VPS13D: variants seen among roughly 807,000 people sequenced by gnomAD.
VPS13D encodes intermembrane lipid transfer protein VPS13D.
A neutral mutation model predicts 461.9 loss-of-function variants in VPS13D; 187 were observed. The observed-to-expected ratio is 0.40, with a 90% CI of 0.36 to 0.46. The LOEUF (loss-of-function observed/expected upper bound fraction) is 0.46. Ranked by LOEUF, VPS13D falls within the 20% of genes least tolerant of loss-of-function variation. The probability of loss-of-function intolerance (pLI) is 0.60; values close to 1 mark genes in which losing one functional copy is unlikely to be tolerated. For synonymous variants in VPS13D, 1,951 were observed against 1,986.3 expected, an observed-to-expected ratio of 0.98 and a Z score of 0.47; for missense variants, 4,711 against 5,364.9, an observed-to-expected ratio of 0.88 and a Z score of 3.81.
intron 65 of VPS13D, among the ~76,000 whole-genome samples, chr1:12,432,191 C>T (rs1177560847): frequency 4.6e-5 from 7 of 151,934 alleles, no homozygotes; most frequent in East Asian, 3.9e-4. Flanking sequence ...GTCGGGAGTT[C>T]GAGATTAGCC....
chr1:12,372,693 G>A (rs1332645359), intron 54 of VPS13D, among the ~76,000 whole-genome samples: 1 of 151,108 alleles, frequency 6.6e-6, no homozygotes, highest in Non-Finnish European at 1.5e-5. Context: ...AAGCACAGAA[G>A]TTTCTCATTT....
At chr1:12,399,468 T>G (rs370771876) in intron 60 of VPS13D, among the ~76,000 whole-genome samples, 1 of 152,258 alleles carries the variant, frequency 6.6e-6, no homozygotes, top group African/African-American at 2.4e-5. Flanking sequence ...GTGCTGGGAT[T>G]ACAGGTGTGA....
chr1:12,249,580 C>A, intron 6 of VPS13D: 1 of 334,056 alleles, frequency 3.0e-6, no homozygotes. Context: ...AACTGAGGGG[C>A]AGAAAGGATT....
chr1:12,308,675 T>A, intron 27 of VPS13D, 34 bp downstream of exon 27: 1 of 1,598,112 alleles, frequency 6.3e-7, no homozygotes, highest in Middle Eastern at 1.7e-4. Flanking sequence ...AGATGGAGTC[T>A]CGCTCTGTTC....
chr1:12,249,433 C>A, intron 6 of VPS13D, 94 bp downstream of exon 6: 2 of 960,974 alleles, frequency 2.1e-6, no homozygotes, highest in South Asian at 1.7e-5. Flanking sequence ...GTAAATGAAT[C>A]ACATTCTTTT....
In VPS13D at chr1:12,257,966, G is replaced by T; in HGVS notation, c.973G>T (p.Ala325Ser). The stretch of plus-strand genomic sequence containing the variant: ...AGAATGGTGGTATTTTGCTTTGAAT[G>T]CTAACTTGTATGAGATCAGAGAGCA... The part of the protein sequence containing the change: ...CREWWYFALN[A>S]NLYEIREQRK... Residue 325 changes from alanine to serine, a missense_variant, in exon 10 of 70, where the codon GCT becomes TCT. Physicochemically the swap from Ala to Ser is moderately conservative, Grantham distance 99. Transcript: ENST00000620676. The T allele has an allele frequency of 6.2e-7, 1 of 1,614,196 alleles. No individual in the cohort carries two copies. The highest frequency in any genetic ancestry group is 8.5e-7 in the Non-Finnish European group (1 of 1,180,042).
chr1:12,351,166 A>G (rs1643784592), intron 46 of VPS13D, among the ~76,000 whole-genome samples: 1 of 152,250 alleles, frequency 6.6e-6, no homozygotes, highest in African/African-American at 2.4e-5. Context: ...AGAAGAGGAA[A>G]GAACAATTCC....
At chr1:12,400,044 GC>G in intron 60 of VPS13D, 136 bp from the exon 61 acceptor site, 1 of 892,206 alleles carries the variant, frequency 1.1e-6, no homozygotes, top group Non-Finnish European at 1.7e-6. Context: ...TTTGTGAACT[GC>G]TATTGAGATC....
At chr1:12,285,712 T>A (rs1641946632) in intron 21 of VPS13D, among the ~76,000 whole-genome samples, 1 of 152,248 alleles carries the variant, frequency 6.6e-6, no homozygotes, top group Non-Finnish European at 1.5e-5. Context: ...CAAGAATTCC[T>A]TGGTATTTTC....
intron 52 of VPS13D, 21 bp from the exon 53 acceptor site, chr1:12,368,447 T>C (rs1445324890): frequency 6.3e-7 from 1 of 1,588,346 alleles, no homozygotes; most frequent in South Asian, 1.1e-5. Context: ...ATGTAGCCTC[T>C]TTTGTTTCCT....
At position 12,277,503 on chromosome 1, in the gene VPS13D, A is replaced by G; in HGVS notation, c.3915A>G (p.Leu1305=). Residue 1305 remains leucine, a synonymous_variant, in exon 19 of 70, where the codon TTA becomes TTG. Transcript: ENST00000620676. Reference sequence around the variant, plus strand: ...CTAAGTTTTTGAAGGAGTTGACGTTATCCATGGATGAACTGGAAGAAAATT... The same window carrying G: ...CTAAGTTTTTGAAGGAGTTGACGTTGTCCATGGATGAACTGGAAGAAAATT... The part of the protein sequence containing the change: ...HSAKFLKELT[L]SMDELEENFR... 2 of 1,614,194 alleles carry G rather than the reference A, an allele frequency of 1.2e-6. No individual in the cohort carries two copies. Among genetic ancestry groups the G allele is most frequent in the Non-Finnish European group, 1.7e-6 (2 of 1,180,040 alleles).
At chr1:12,297,620 A>G (rs1030897150) in intron 24 of VPS13D, among the ~76,000 whole-genome samples, 33 of 152,190 alleles carry the variant, frequency 2.2e-4, no homozygotes, top group African/African-American at 7.5e-4. Context: ...TATATTAATG[A>G]TGCTTTGGAG....
rs934538190 is a variant in VPS13D, at chr1:12,473,780, A to G, written c.12662+13384A>G. 6.6e-6 allele frequency among the ~76,000 whole-genome samples: 1 copy of G among 152,184 alleles called. No homozygotes were observed. Among genetic ancestry groups the G allele is most frequent in the Non-Finnish European group, 1.5e-5 (1 of 68,024 alleles). On this transcript the variant is annotated intron_variant, in intron 67 of 69. Coordinates refer to ENST00000620676, the MANE Select transcript of VPS13D (RefSeq NM_015378.4). This position sits in a 1 kb window ranked among gnomAD's most constrained non-coding sequence, Gnocchi z 4.2. ...GACCACCTGCTAGAGTGTGAGGACT[A>G]GGAGTTCATGTGCTTGGCTGGGCTT...
At position 12,279,739 on chromosome 1, in the gene VPS13D, G is replaced by T; in HGVS notation, c.4602+89G>T. On this transcript the variant is annotated intron_variant, in intron 20 of 69. Transcript: ENST00000620676. This position sits in a 1 kb window ranked among gnomAD's most constrained non-coding sequence, Gnocchi z 4.3. ...TATTTATGTATATTACATGTTGGAA[G>T]GAATATATATTTTCAAAGATATATC... 1 of 1,164,526 alleles carries T rather than the reference G, an allele frequency of 8.6e-7. No individual in the cohort carries two copies. The highest frequency in any genetic ancestry group is 1.1e-6 in the Non-Finnish European group (1 of 876,902). The allele number at this position is 1,164,526 out of a possible 1,614,324, so 72.1% of individuals were successfully genotyped here. A position where few individuals can be genotyped will look rare whatever the true frequency, so the allele number is the denominator to read the frequency against.
chr1:12,285,086 T>C lies in VPS13D; in HGVS notation c.5634+1350T>C, dbSNP rs1446601281. ...GGCTGGTTCTACAAGGGAATAGGACTGGATAAGTGTTCCTCAACAATGCAT... is the reference window on the plus strand; with the variant it reads ...GGCTGGTTCTACAAGGGAATAGGACCGGATAAGTGTTCCTCAACAATGCAT... On this transcript the variant is annotated intron_variant, in intron 21 of 69. Coordinates refer to ENST00000620676, the MANE Select transcript of VPS13D (RefSeq NM_015378.4). 2.0e-5 allele frequency among the ~76,000 whole-genome samples: 3 copies of C among 152,204 alleles called. No homozygotes were observed. The East Asian group carries it at 5.8e-4, about 29-fold the overall frequency.
intron 65 of VPS13D, among the ~76,000 whole-genome samples, chr1:12,426,239 T>G (rs995723335): frequency 6.6e-6 from 1 of 152,180 alleles, no homozygotes; most frequent in Non-Finnish European, 1.5e-5. Flanking sequence ...GGATGTGCAG[T>G]CCCCAGGCCT....
At position 12,508,942 on chromosome 1, in the gene VPS13D, A is replaced by T; in HGVS notation, c.13085A>T (p.Asn4362Ile). 1.2e-6 allele frequency: 2 copies of T among 1,614,190 alleles called. No individual in the cohort carries two copies. The highest frequency in any genetic ancestry group is 1.7e-6 in the Non-Finnish European group (2 of 1,180,030). The part of the protein sequence containing the change: ...VLAVKLSQEI[N>I]YAKSLYYEQQ... ...GCTGTCAAGTTGTCACAAGAAATAA[A>T]CTACGCAAAGAGCCTCTACTATGAA... The change falls in exon 70 of 70, where the codon AAC (asparagine) becomes ATC (isoleucine). Residue 4362 changes from asparagine (N) to isoleucine (I), a missense_variant. Physicochemically the swap from Asn to Ile is moderately radical, Grantham distance 149 (BLOSUM62 -3). Around this residue, in one of 3 missense-constraint regions of VPS13D, gnomAD observed 194 missense variants for 220.9 expected, o/e 0.88. Coordinates refer to ENST00000620676, the MANE Select transcript of VPS13D (RefSeq NM_015378.4).
intron 57 of VPS13D, among the ~76,000 whole-genome samples, chr1:12,380,924 T>A (rs17037994): frequency 0.019 from 2,903 of 152,282 alleles, 109 homozygotes; most frequent in Admixed American, 0.099. Context: ...AATTCAAACT[T>A]CTAGAGGCAA....
chr1:12,380,118 A>G (rs1163167900), intron 57 of VPS13D, among the ~76,000 whole-genome samples: 38 of 152,218 alleles, frequency 2.5e-4, no homozygotes. Context: ...ATGGTATGCA[A>G]TACATGTGTT....
Sources: allele counts gnomAD v4.1 joint callset (sites outside exome capture counted in the v4.1 genomes callset), GRCh38; gene constraint gnomAD v4.1.1; regional missense constraint gnomAD v4.1.1; non-coding constraint Gnocchi (gnomAD v3.1); transcripts MANE v1.5; gene names NCBI Gene and HGNC (gene_info 2026-07-23, HGNC 2026-07-21).